The following ZGRF1 variants were observed in gnomAD, a reference collection of about 807,000 sequenced individuals.
The protein encoded by ZGRF1 is 5'-3' DNA helicase ZGRF1.
ZGRF1 carries 196 observed loss-of-function variants against 203.5 expected under a neutral mutation model. That is an observed-to-expected ratio of 0.96 (90% CI 0.86 to 1.08). The LOEUF (loss-of-function observed/expected upper bound fraction) is 1.08, where lower values mean the gene tolerates loss of function less well. Ranked by LOEUF, ZGRF1 falls within the 50% of genes least tolerant of loss-of-function variation. ZGRF1 has a pLI of 0.00. For missense variants in ZGRF1, 2,326 were observed against 2,416.3 expected (o/e 0.96, Z 0.78); for synonymous variants, 809 against 841.3 (o/e 0.96, Z 0.66).
intron 16 of ZGRF1, among the ~76,000 whole-genome samples, chr4:112,572,910 G>GAAT (rs1744446942): frequency 6.6e-6 from 1 of 152,058 alleles, no homozygotes; most frequent in African/African-American, 2.4e-5. Context: ...AATAGATGTT[G>GAAT]GCAGGGATGA....
chr4:112,550,430 TCAAA>T lies in ZGRF1; in HGVS notation c.5347-2054_5347-2051del, dbSNP rs1013251784. ...TTTAAGCTGTGTTATTACAAAAGAA[TCAAA>T]CAGTTTTTAAAAATTTTCAACTTTA... On this transcript the variant is annotated intron_variant, in intron 22 of 27. Transcript: ENST00000505019. 3.9e-5 allele frequency among the ~76,000 whole-genome samples: 6 copies of T among 152,040 alleles called. 1 individual carries two copies. Among genetic ancestry groups the T allele is most frequent in the Admixed American group, 1.3e-4 (2 of 15,264 alleles).
intron 10 of ZGRF1, among the ~76,000 whole-genome samples, chr4:112,593,154 A>G (rs1748457983): frequency 6.6e-6 from 1 of 152,202 alleles, no homozygotes; most frequent in African/African-American, 2.4e-5. Context: ...TGGCAACCCT[A>G]GCAAACTAAT....
At chr4:112,566,346 G>A (rs1412721668) in intron 16 of ZGRF1, among the ~76,000 whole-genome samples, 1 of 114,102 alleles carries the variant, frequency 8.8e-6, no homozygotes, top group East Asian at 3.0e-4. Context: ...GTTGTGGGGT[G>A]GGGGGAGGGG....
intron 16 of ZGRF1, among the ~76,000 whole-genome samples, chr4:112,578,223 A>C (rs1328609067): frequency 8.1e-6 from 1 of 122,912 alleles, no homozygotes; most frequent in African/African-American, 2.8e-5. Context: ...TTGAAACCAA[A>C]GAGAACAAAG....
intron 2 of ZGRF1, 136 bp from the exon 3 acceptor site, chr4:112,632,146 TTTTTAAA>T: frequency 2.6e-6 from 1 of 378,700 alleles, no homozygotes; most frequent in Non-Finnish European, 4.6e-6. Flanking sequence ...CCATATCAAT[TTTTTAAA>T]TTTTAAAAAC....
chr4:112,562,666 T>C (rs1374999535), intron 17 of ZGRF1, among the ~76,000 whole-genome samples, 181 bp from the exon 18 acceptor site: 2 of 152,250 alleles, frequency 1.3e-5, no homozygotes, highest in Non-Finnish European at 2.9e-5. Context: ...TGCTATCTGC[T>C]CATTCATTTT....
At chr4:112,545,875 T>C (rs1738649047) in intron 24 of ZGRF1, among the ~76,000 whole-genome samples, 2 of 152,096 alleles carry the variant, frequency 1.3e-5, no homozygotes, top group Non-Finnish European at 2.9e-5. Context: ...AAATACTGTA[T>C]GACTCTACTC....
At chr4:112,624,021 C>G in intron 3 of ZGRF1, 145 bp from the exon 4 acceptor site, 1 of 597,042 alleles carries the variant, frequency 1.7e-6, no homozygotes, top group Non-Finnish European at 3.0e-6. Context: ...GAAAATTCAT[C>G]TATTTTGAAT....
chr4:112,586,917 C>T (rs1210368080), intron 12 of ZGRF1, among the ~76,000 whole-genome samples: 2 of 152,030 alleles, frequency 1.3e-5, no homozygotes, highest in African/African-American at 2.4e-5. Flanking sequence ...TCACAATTAA[C>T]GTGAAATAAG....
chr4:112,576,288 C>A (rs1046403161), intron 16 of ZGRF1, among the ~76,000 whole-genome samples: 1 of 152,128 alleles, frequency 6.6e-6, no homozygotes, highest in Admixed American at 6.5e-5. Context: ...ACGTCACCAT[C>A]ATCAAAGACC....
rs142718794 is a variant in ZGRF1, at chr4:112,586,506, G to C, written c.3855C>G (p.His1285Gln). ...CAGGAGACTGAAAAACAGCTGGTAT[G>C]TGAATTTGCCTTTGGGGAAGATAAG... ...KSAYLPQRQI[H>Q]IPAVFQSPAH... Residue 1285 changes from histidine to glutamine, a missense_variant, in exon 13 of 28, where the codon CAC (histidine) becomes CAG (glutamine). His to Gln is a conservative substitution (Grantham distance 24). Coordinates refer to ENST00000505019, the MANE Select transcript of ZGRF1 (RefSeq NM_018392.5). 5 of 1,613,248 alleles carry C rather than the reference G, an allele frequency of 3.1e-6. No individual in the cohort carries two copies. Among genetic ancestry groups the C allele is most frequent in the Non-Finnish European group, 3.4e-6 (4 of 1,179,458 alleles).
At chr4:112,566,436 C>T (rs1172283488) in intron 16 of ZGRF1, among the ~76,000 whole-genome samples, 2 of 151,260 alleles carry the variant, frequency 1.3e-5, no homozygotes, top group Non-Finnish European at 2.9e-5. Context: ...CACATGTATA[C>T]ATATGTAACT....
chr4:112,586,643 GTAAAT>G, intron 12 of ZGRF1, 60 bp from the exon 13 acceptor site: 1 of 1,232,442 alleles, frequency 8.1e-7, no homozygotes, highest in Non-Finnish European at 1.1e-6. Context: ...TTACTAAAGA[GTAAAT>G]TATTTTTCAT....
At chr4:112,560,633 C>T (rs1741778882) in intron 19 of ZGRF1, 100 bp downstream of exon 19, 1 of 1,053,230 alleles carries the variant, frequency 9.5e-7, no homozygotes, top group South Asian at 1.6e-5. Flanking sequence ...TAGAGTTATT[C>T]TTGAACCTCA....
At chr4:112,572,540 A>G (rs752172360) in intron 16 of ZGRF1, among the ~76,000 whole-genome samples, 4 of 152,242 alleles carry the variant, frequency 2.6e-5, no homozygotes, top group Admixed American at 6.5e-5. Flanking sequence ...ACAAAGCTAA[A>G]TAAGTGGAAC....
intron 16 of ZGRF1, among the ~76,000 whole-genome samples, chr4:112,576,828 A>C (rs1745323565): frequency 6.6e-6 from 1 of 152,102 alleles, no homozygotes; most frequent in East Asian, 1.9e-4. Flanking sequence ...TGACAGGGAG[A>C]ATGGAACCAA....
At chr4:112,564,976 G>A in intron 16 of ZGRF1, 1 of 851,708 alleles carries the variant, frequency 1.2e-6, no homozygotes, top group South Asian at 1.3e-5. Context: ...TAAGTAAGGA[G>A]GTCTCTGTAC....
intron 7 of ZGRF1, among the ~76,000 whole-genome samples, 162 bp downstream of exon 7, chr4:112,612,358 CTGTT>C (rs1294551387): frequency 1.3e-5 from 2 of 152,088 alleles, no homozygotes; most frequent in African/African-American, 4.8e-5. Context: ...ATAAATGAAA[CTGTT>C]AGGCATTTCT....
Position 112,631,925 on chromosome 4 carries a change from C to G in ZGRF1, c.102+5G>C, listed in dbSNP as rs781148505. Reference sequence around the variant, plus strand: ...GCACCCTATAGTCAACTGCTTTGTACTCACTTTGTTTCCTAAGTGAGTGAT... The same window carrying G: ...GCACCCTATAGTCAACTGCTTTGTAGTCACTTTGTTTCCTAAGTGAGTGAT... On this transcript the variant is annotated splice_donor_5th_base_variant and intron_variant, in intron 3 of 27. Transcript: ENST00000505019. The G allele has an allele frequency of 6.4e-7, 1 of 1,566,940 alleles. No homozygotes were observed. The highest frequency in any genetic ancestry group is 1.9e-5 in the Admixed American group (1 of 53,834).
Sources: allele counts gnomAD v4.1 joint callset (sites outside exome capture counted in the v4.1 genomes callset), GRCh38; gene constraint gnomAD v4.1.1; transcripts MANE v1.5; gene names NCBI Gene and HGNC (gene_info 2026-07-23, HGNC 2026-07-21).